Variants in FRMD6 observed in about 807,000 individuals in gnomAD.
FRMD6 encodes the protein FERM domain-containing protein 6.
FRMD6 carries 37 observed loss-of-function variants against 73.2 expected under a neutral mutation model. The observed-to-expected ratio is 0.51, with a 90% confidence interval of 0.39 to 0.66. The LOEUF is 0.66. Ranked by LOEUF, FRMD6 falls within the 30% of genes least tolerant of loss-of-function variation. The pLI, the probability that FRMD6 is intolerant of heterozygous loss-of-function variation, is 0.00. For missense variants in FRMD6, 714 were observed against 780.5 expected, an observed-to-expected ratio of 0.91 and a Z score of 1.02; for synonymous variants, 273 against 282.2, an observed-to-expected ratio of 0.97 and a Z score of 0.33.
At chr14:51,690,225 G>A (rs780882498) in intron 2 of FRMD6, among the ~76,000 whole-genome samples, 2 of 152,172 alleles carry the variant, frequency 1.3e-5, no homozygotes, top group Non-Finnish European at 2.9e-5. Context: ...TTTTATTGAA[G>A]TATATGAATT....
chr14:51,575,617 GA>G (rs1340550779), intron 2 of FRMD6: 1 of 152,210 alleles, frequency 6.6e-6, no homozygotes, highest in Non-Finnish European at 1.5e-5. Context: ...AATCCTTAGA[GA>G]TTTTTTTTCT....
chr14:51,669,444 A>G (rs1015951485), intron 1 of FRMD6, among the ~76,000 whole-genome samples: 2 of 152,338 alleles, frequency 1.3e-5, no homozygotes. Flanking sequence ...TTCATTTTCA[A>G]AGTGGCTGTA....
At chr14:51,554,374 A>G (rs1056009546) in intron 1 of FRMD6, among the ~76,000 whole-genome samples, 1 of 152,180 alleles carries the variant, frequency 6.6e-6, no homozygotes, top group African/African-American at 2.4e-5. Context: ...TGTAACTCCC[A>G]ATTCCTTAAT....
intron 1 of FRMD6, among the ~76,000 whole-genome samples, chr14:51,562,096 C>T (rs894791531): frequency 2.6e-5 from 4 of 152,208 alleles, no homozygotes; most frequent in Non-Finnish European, 5.9e-5. Flanking sequence ...TCCTTCAACT[C>T]CAAGACGAGT....
chr14:51,718,344 C>T (rs1897346489), intron 10 of FRMD6, among the ~76,000 whole-genome samples: 1 of 152,192 alleles, frequency 6.6e-6, no homozygotes, highest in African/African-American at 2.4e-5. Context: ...ATAGTGATCT[C>T]TGAACCTATC....
At chr14:51,618,022 T>A (rs1890780819) in intron 2 of FRMD6, among the ~76,000 whole-genome samples, 1 of 152,158 alleles carries the variant, frequency 6.6e-6, no homozygotes, top group African/African-American at 2.4e-5. Context: ...TCATGGAGCT[T>A]ACAGTCTATG....
intron 1 of FRMD6, among the ~76,000 whole-genome samples, chr14:51,552,213 G>A (rs1407025655): frequency 1.3e-5 from 2 of 152,216 alleles, no homozygotes; most frequent in African/African-American, 4.8e-5. Context: ...TTTAAAGGGA[G>A]ATTAAGATAG....
At chr14:51,491,582 A>G (rs1883003251) in intron 1 of FRMD6, 1 of 152,220 alleles carries the variant, frequency 6.6e-6, no homozygotes, top group Non-Finnish European at 1.5e-5. Flanking sequence ...ATTCTTTACA[A>G]CAACCCTATG....
At chr14:51,657,724 G>C (rs550231186) in intron 1 of FRMD6, among the ~76,000 whole-genome samples, 1 of 152,092 alleles carries the variant, frequency 6.6e-6, no homozygotes, top group African/African-American at 2.4e-5. Context: ...AAAAAGTAAC[G>C]TTAGAGGTAA....
intron 13 of FRMD6, 64 bp downstream of exon 13, chr14:51,725,934 C>T: frequency 1.7e-6 from 2 of 1,170,886 alleles, no homozygotes; most frequent in Non-Finnish European, 2.5e-6. Flanking sequence ...TAAGTAGTAA[C>T]TTACATTTAT....
chr14:51,713,762 G>GC (rs1465724448), intron 9 of FRMD6: 1 of 152,170 alleles, frequency 6.6e-6, no homozygotes, highest in African/African-American at 2.4e-5. Flanking sequence ...ATTACATGGG[G>GC]CCTAACCTGT....
Position 51,702,555 on chromosome 14 carries a change from T to C in FRMD6, c.338T>C (p.Val113Ala). 1 of 1,612,002 alleles carries C rather than the reference T, an allele frequency of 6.2e-7. No individual in the cohort carries two copies. The highest frequency in any genetic ancestry group is 1.1e-5 in the South Asian group (1 of 91,000). The change falls in exon 5 of 14, where the codon GTG (valine) becomes GCG (alanine). Residue 113 changes from valine (V) to alanine (A), a missense_variant. Transcript: ENST00000344768. ...FGPPMIIHFR[V>A]QYYVENGRLI... The stretch of plus-strand genomic sequence containing the variant: ...CCTCCTATGATCATCCACTTCCGTG[T>C]GCAGTACTATGTGGAAAATGGCAGA...
At chr14:51,704,655 C>G (rs1896519910) in intron 5 of FRMD6, 94 bp from the exon 6 acceptor site, 15 of 1,012,022 alleles carry the variant, frequency 1.5e-5, no homozygotes, top group Non-Finnish European at 1.9e-5. Context: ...AGAAGGGTTC[C>G]TGTCACCAGA....
chr14:51,538,371 T>A (rs1886018307), intron 1 of FRMD6, among the ~76,000 whole-genome samples: 1 of 152,166 alleles, frequency 6.6e-6, no homozygotes, highest in Non-Finnish European at 1.5e-5. Context: ...TTCGGTGGTG[T>A]ACTTTGAAGC....
intron 1 of FRMD6, among the ~76,000 whole-genome samples, chr14:51,568,766 T>C (rs1353890085): frequency 1.3e-5 from 2 of 152,092 alleles, no homozygotes; most frequent in Non-Finnish European, 2.9e-5. Flanking sequence ...CTGGTATGAA[T>C]TGATTGCCTG....
chr14:51,576,856 T>C (rs916626591), intron 2 of FRMD6, among the ~76,000 whole-genome samples: 1 of 152,226 alleles, frequency 6.6e-6, no homozygotes, highest in Non-Finnish European at 1.5e-5. Context: ...CGTTTTTCAC[T>C]GGCCACATGA....
intron 2 of FRMD6, among the ~76,000 whole-genome samples, chr14:51,591,985 G>A (rs901690472): frequency 1.3e-5 from 2 of 152,076 alleles, no homozygotes; most frequent in East Asian, 3.9e-4. Context: ...GGTCATTTTT[G>A]CAGTCTCACA....
intron 1 of FRMD6, among the ~76,000 whole-genome samples, chr14:51,497,073 A>T (rs1463342373): frequency 1.3e-5 from 2 of 152,186 alleles, no homozygotes; most frequent in African/African-American, 4.8e-5. Context: ...AAAGGAGGGT[A>T]ATGGAGGCAA....
intron 1 of FRMD6, among the ~76,000 whole-genome samples, chr14:51,671,479 T>G (rs1893999444): frequency 1.3e-5 from 2 of 152,148 alleles, no homozygotes; most frequent in Admixed American, 1.3e-4. Context: ...TCAGAATGGT[T>G]TTGCACCGAA....
Sources: gnomAD v4.1 joint callset for allele counts (sites outside exome capture counted in the v4.1 genomes callset) on GRCh38, gnomAD v4.1.1 for gene constraint, MANE v1.5 for transcripts, NCBI Gene and HGNC (gene_info 2026-07-23, HGNC 2026-07-21) for gene names.